The following PCDHGB5 variants were observed in gnomAD, a reference collection of about 807,000 sequenced individuals.
PCDHGB5 encodes the protein protocadherin gamma-B5.
PCDHGB5 carries 48 observed loss-of-function variants against 62.9 expected under a neutral mutation model. The observed-to-expected ratio is 0.76, with a 90% CI of 0.61 to 0.97. The LOEUF is 0.97. Among genes scored for constraint, PCDHGB5 ranks in the 50% least tolerant of loss-of-function variants. The pLI is 0.00. For synonymous variants in PCDHGB5, 474 were observed against 511.2 expected, an observed-to-expected ratio of 0.93 and a Z score of 0.98; for missense variants, 1,118 against 1,198.6, an observed-to-expected ratio of 0.93 and a Z score of 0.99.
chr5:141,420,123 G>A (rs1335693841), intron 1 of PCDHGB5: 1 of 1,613,968 alleles, frequency 6.2e-7, no homozygotes, highest in Non-Finnish European at 8.5e-7. Flanking sequence ...TATAATTTTT[G>A]TGTGCCTGGG....
intron 1 of PCDHGB5, among the ~76,000 whole-genome samples, chr5:141,452,988 T>C (rs2098753680): frequency 6.6e-6 from 1 of 152,228 alleles, no homozygotes; most frequent in Admixed American, 6.5e-5. Context: ...AGTACTGTGC[T>C]GAAAAGTTAC....
chr5:141,493,289 C>A lies in PCDHGB5; in HGVS notation c.2398-1518C>A, dbSNP rs925045650. On this transcript the variant is annotated intron_variant, in intron 1 of 3. Coordinates refer to ENST00000617380, the MANE Select transcript of PCDHGB5 (RefSeq NM_018925.3). This position sits in a 1 kb window ranked among gnomAD's most constrained non-coding sequence, Gnocchi z 4.3. The stretch of plus-strand genomic sequence containing the variant: ...CTTCACAGAGGTCAAGTGACTTGCT[C>A]AAGTTCACAGAGCAAGTAAGAGAGA... 6.6e-6 allele frequency among the ~76,000 whole-genome samples: 1 copy of A among 152,176 alleles called. No individual in the cohort carries two copies. Among genetic ancestry groups the A allele is most frequent in the East Asian group, 1.9e-4 (1 of 5,194 alleles).
intron 1 of PCDHGB5, among the ~76,000 whole-genome samples, chr5:141,462,023 A>T (rs927945421): frequency 1.3e-5 from 2 of 152,112 alleles, no homozygotes; most frequent in African/African-American, 4.8e-5. Flanking sequence ...GGGTTTCTTC[A>T]TGTTGGTCAG....
At chr5:141,488,738 ATGCAGGAAGT>A (rs771423337) in intron 1 of PCDHGB5, among the ~76,000 whole-genome samples, 1 of 152,222 alleles carries the variant, frequency 6.6e-6, no homozygotes, top group Non-Finnish European at 1.5e-5. Flanking sequence ...TTCTGAAGTC[ATGCAGGAAGT>A]TGCTGGGACA....
intron 2 of PCDHGB5, among the ~76,000 whole-genome samples, chr5:141,503,393 G>A (rs954734829): frequency 2.0e-5 from 3 of 151,824 alleles, no homozygotes; most frequent in African/African-American, 4.8e-5. Flanking sequence ...TCAGGAGTTC[G>A]AAACCAACCT....
At chr5:141,448,822 G>A (rs924937891) in intron 1 of PCDHGB5, among the ~76,000 whole-genome samples, 4 of 152,048 alleles carry the variant, frequency 2.6e-5, no homozygotes, top group African/African-American at 9.7e-5. Context: ...GCGGGCGCCT[G>A]TAGTCCCAGC....
intron 2 of PCDHGB5, among the ~76,000 whole-genome samples, chr5:141,502,866 C>CTTTTTTCTT (rs2099816532): frequency 7.8e-6 from 1 of 128,046 alleles, no homozygotes; most frequent in African/African-American, 3.1e-5. Context: ...GACTCTCTGT[C>CTTTTTTCTT]TTTTTTTTTT....
chr5:141,435,254 G>C (rs1220755047), intron 1 of PCDHGB5, among the ~76,000 whole-genome samples: 1 of 152,018 alleles, frequency 6.6e-6, no homozygotes, highest in African/African-American at 2.4e-5. Flanking sequence ...GGCCATTAGG[G>C]ATATGTCCAT....
Position 141,476,468 on chromosome 5 carries a change from C to T in PCDHGB5, c.2398-18339C>T. 6.2e-7 allele frequency: 1 copy of T among 1,614,132 alleles called. No homozygotes were observed. Among genetic ancestry groups the T allele is most frequent in the Non-Finnish European group, 8.5e-7 (1 of 1,180,022 alleles). On this transcript the variant is annotated intron_variant, in intron 1 of 3. Coordinates refer to ENST00000617380, the MANE Select transcript of PCDHGB5 (RefSeq NM_018925.3). The surrounding 1 kb of genome is among the most constrained non-coding windows in gnomAD (Gnocchi z 7.6). ...GTTGGTAGTGGAGAACCCGCTGGAG[C>T]TGTTCAGCGTGGAAGTGGTGATCCA...
At chr5:141,470,037 G>C (rs76537989) in intron 1 of PCDHGB5, among the ~76,000 whole-genome samples, 14 of 152,138 alleles carry the variant, frequency 9.2e-5, no homozygotes, top group Non-Finnish European at 1.5e-4. Flanking sequence ...GCTGAGGCGC[G>C]AGAACTGTTT....
At chr5:141,406,021 G>A (rs530576205) in intron 1 of PCDHGB5, among the ~76,000 whole-genome samples, 1 of 151,382 alleles carries the variant, frequency 6.6e-6, no homozygotes, top group East Asian at 1.9e-4. Context: ...GGCTTTTTGG[G>A]TAGGGTTGCT....
chr5:141,403,073 A>G (rs920382925), intron 1 of PCDHGB5: 4 of 1,614,056 alleles, frequency 2.5e-6, no homozygotes, highest in Non-Finnish European at 3.4e-6. Context: ...AGAGACAGAA[A>G]AGGGCTATAT....
chr5:141,444,762 T>A (rs767523211), intron 1 of PCDHGB5, among the ~76,000 whole-genome samples: 2 of 152,248 alleles, frequency 1.3e-5, no homozygotes, highest in Non-Finnish European at 2.9e-5. Flanking sequence ...TAGTTCTATT[T>A]CTATATTCTT....
At chr5:141,426,986 C>A (rs764345099) in intron 1 of PCDHGB5, 6 of 456,618 alleles carry the variant, frequency 1.3e-5, no homozygotes, top group Non-Finnish European at 2.2e-5. Flanking sequence ...CTGATGCCAA[C>A]GATAATGCCC....
At chr5:141,501,016 G>A (rs1042009106) in intron 2 of PCDHGB5, among the ~76,000 whole-genome samples, 7 of 151,716 alleles carry the variant, frequency 4.6e-5, no homozygotes, top group Non-Finnish European at 1.0e-4. Context: ...CTACAGGCAC[G>A]CGCCACCACG....
intron 1 of PCDHGB5, among the ~76,000 whole-genome samples, chr5:141,471,999 T>C (rs577046645): frequency 3.9e-5 from 6 of 152,230 alleles, no homozygotes; most frequent in Admixed American, 2.0e-4. Flanking sequence ...AATCCCTGCA[T>C]CGTATAGGGG....
At chr5:141,408,912 A>G (rs772751015) in intron 1 of PCDHGB5, 4 of 1,613,594 alleles carry the variant, frequency 2.5e-6, no homozygotes, top group Middle Eastern at 1.6e-4. Flanking sequence ...GATACCAATG[A>G]TAACCCCCCG....
At chr5:141,414,856 G>C (rs1269714202) in intron 1 of PCDHGB5, 2 of 1,614,216 alleles carry the variant, frequency 1.2e-6, no homozygotes, top group Non-Finnish European at 8.5e-7. Flanking sequence ...GGACCAGAAC[G>C]ACAATGCGCC....
intron 3 of PCDHGB5, chr5:141,508,084 T>A (rs1422530110): frequency 6.6e-6 from 1 of 152,432 alleles, no homozygotes; most frequent in East Asian, 1.9e-4. Flanking sequence ...CTGGAGTTGC[T>A]GCCTTGGCCC....
Sources: allele counts gnomAD v4.1 joint callset (sites outside exome capture counted in the v4.1 genomes callset), GRCh38; gene constraint gnomAD v4.1.1; non-coding constraint Gnocchi (gnomAD v3.1); transcripts MANE v1.5; gene names NCBI Gene and HGNC (gene_info 2026-07-23, HGNC 2026-07-21).